PCDH9: variants seen among roughly 807,000 people sequenced by gnomAD.
The protein encoded by PCDH9 is protocadherin 9, also known as protocadherin-9.
A neutral mutation model predicts 70.6 loss-of-function variants in PCDH9; 24 were observed. The ratio of observed to expected loss-of-function variants is 0.34; its 90% CI spans 0.25 to 0.48. The LOEUF (loss-of-function observed/expected upper bound fraction) is 0.48. PCDH9 is among the 20% of genes least tolerant of loss of function. PCDH9 has a pLI of 0.99. For synonymous variants in PCDH9, 562 were observed against 558.5 expected (o/e 1.01, Z -0.09); for missense variants, 1,281 against 1,503.6 (o/e 0.85, Z 2.45).
chr13:67,217,678 C>T (rs2089638539), intron 2 of PCDH9: 1 of 151,982 alleles, frequency 6.6e-6, no homozygotes. Flanking sequence ...ATAGTAATTC[C>T]TATGAGGATG....
At chr13:66,556,637 A>G (rs1790719816) in intron 4 of PCDH9, among the ~76,000 whole-genome samples, 1 of 152,192 alleles carries the variant, frequency 6.6e-6, no homozygotes, top group South Asian at 2.1e-4. Context: ...ATGTTGTACT[A>G]GTAAATTATT....
At chr13:66,995,359 A>C (rs1220469456) in intron 2 of PCDH9, among the ~76,000 whole-genome samples, 1 of 152,286 alleles carries the variant, frequency 6.6e-6, no homozygotes, top group East Asian at 1.9e-4. Flanking sequence ...TGAGGTTTTT[A>C]AAAATGCTGA....
Position 66,888,937 on chromosome 13 carries a change from A to C in PCDH9, c.3138+14567T>G, listed in dbSNP as rs752244609. On this transcript the variant is annotated intron_variant, in intron 3 of 4. Transcript: ENST00000377865. ...CCAAAGAGCTAAAAATAAAAATGACATAAGAAGTTTTGCCATAGTGAGATT... is the reference window on the plus strand; with the variant it reads ...CCAAAGAGCTAAAAATAAAAATGACCTAAGAAGTTTTGCCATAGTGAGATT... Among the ~76,000 whole-genome samples, 3 of 152,316 alleles carry C rather than the reference A, an allele frequency of 2.0e-5. No homozygotes were observed. The East Asian group carries it at 5.8e-4, about 29-fold the overall frequency.
At chr13:66,579,182 ATT>A (rs1312157959) in intron 4 of PCDH9, among the ~76,000 whole-genome samples, 1 of 151,956 alleles carries the variant, frequency 6.6e-6, no homozygotes, top group Non-Finnish European at 1.5e-5. Context: ...TAAATAAGAA[ATT>A]CTTTCTCCTA....
In PCDH9 at chr13:67,129,654, G is replaced by C. The variant is rs79047748; in HGVS notation, c.3036+95751C>G. 1.4e-3 allele frequency among the ~76,000 whole-genome samples: 207 copies of C among 151,752 alleles called. 5 individuals are homozygous for C. In the East Asian group the frequency reaches 0.038, roughly 28 times the overall value. On this transcript the variant is annotated intron_variant, in intron 2 of 4. Coordinates refer to ENST00000377865, the MANE Select transcript of PCDH9 (RefSeq NM_203487.3). Reference sequence around the variant, plus strand: ...ATATATATATGTATTTTAGCTAGAGGTAATCGTATATTCCATATATAGAGA... The same window carrying C: ...ATATATATATGTATTTTAGCTAGAGCTAATCGTATATTCCATATATAGAGA...
At chr13:66,586,277 T>A (rs75194457) in intron 4 of PCDH9, among the ~76,000 whole-genome samples, 3,424 of 152,252 alleles carry the variant, frequency 0.022, 128 homozygotes, top group African/African-American at 0.077. Context: ...ATATAATAGA[T>A]GCACACATAG....
At chr13:66,981,453 G>GA (rs1393172745) in intron 2 of PCDH9, among the ~76,000 whole-genome samples, 10 of 138,174 alleles carry the variant, frequency 7.2e-5, no homozygotes, top group Admixed American at 1.4e-4. Context: ...AAAAAAAAAA[G>GA]AAAAAAAAAG....
At chr13:66,859,342 T>C (rs2081444061) in intron 3 of PCDH9, among the ~76,000 whole-genome samples, 1 of 152,216 alleles carries the variant, frequency 6.6e-6, no homozygotes, top group Non-Finnish European at 1.5e-5. Context: ...TTCCTCATTT[T>C]AATTTCTATT....
chr13:66,998,202 C>T (rs541598940), intron 2 of PCDH9, among the ~76,000 whole-genome samples: 57 of 151,996 alleles, frequency 3.8e-4, no homozygotes, highest in African/African-American at 1.4e-3. Context: ...TGCCAGGGCC[C>T]GAGGAACAAA....
chr13:66,819,834 T>G (rs1187387849), intron 3 of PCDH9, among the ~76,000 whole-genome samples: 1 of 152,158 alleles, frequency 6.6e-6, no homozygotes, highest in Non-Finnish European at 1.5e-5. Flanking sequence ...AAGCCCATGC[T>G]ACAGTGAGCA....
At chr13:66,676,443 G>A (rs1051899394) in intron 3 of PCDH9, among the ~76,000 whole-genome samples, 1 of 151,996 alleles carries the variant, frequency 6.6e-6, no homozygotes, top group Non-Finnish European at 1.5e-5. Context: ...ACACTGCAAA[G>A]ATATGAGGAA....
chr13:66,968,187 A>G (rs1384390140), intron 2 of PCDH9, among the ~76,000 whole-genome samples: 1 of 152,096 alleles, frequency 6.6e-6, no homozygotes, highest in East Asian at 1.9e-4. Flanking sequence ...GCAGGTGACT[A>G]TAACACTTTC....
intron 2 of PCDH9, 88 bp downstream of exon 2, chr13:67,225,317 C>A (rs1409520860): frequency 7.0e-7 from 1 of 1,429,194 alleles, no homozygotes; most frequent in Non-Finnish European, 9.7e-7. Context: ...TAAAGTTAGA[C>A]CAAAACAATA....
intron 3 of PCDH9, among the ~76,000 whole-genome samples, chr13:66,653,973 T>TAAAAAAAAAAAAAAA (rs59143528): frequency 7.8e-6 from 1 of 128,456 alleles, no homozygotes; most frequent in African/African-American, 2.9e-5. Context: ...GTCTCAAAAT[T>TAAAAAAAAAAAAAAA]AAAAAAAAAA....
intron 3 of PCDH9, among the ~76,000 whole-genome samples, chr13:66,811,452 C>T (rs1240505448): frequency 6.6e-6 from 1 of 152,198 alleles, no homozygotes; most frequent in Non-Finnish European, 1.5e-5. Flanking sequence ...TACTCCCATT[C>T]AGCTTCCATA....
At position 66,631,394 on chromosome 13, in the gene PCDH9, C is replaced by T. The variant is rs755993231; in HGVS notation, c.3156G>A (p.Thr1052=). 4.4e-5 allele frequency: 70 copies of T among 1,607,770 alleles called. No individual in the cohort carries two copies. Among genetic ancestry groups the T allele is most frequent in the African/African-American group, 5.3e-5 (4 of 74,784 alleles). ...ESHYESQRRV[T]FHLPDGSQES... ...CCTGGGAGCCATCAGGGAGATGAAA[C>T]GTAACACGGCGCTGCGACTACAAAG... Residue 1052 remains threonine, a synonymous_variant, in exon 4 of 5, where the codon ACG becomes ACA. Transcript: ENST00000377865.
intron 3 of PCDH9, among the ~76,000 whole-genome samples, chr13:66,657,198 G>C (rs1234876030): frequency 6.6e-6 from 1 of 152,184 alleles, no homozygotes; most frequent in Non-Finnish European, 1.5e-5. Context: ...TTCCAGAAAA[G>C]TTATGGAAGT....
intron 2 of PCDH9, among the ~76,000 whole-genome samples, chr13:67,149,674 A>G (rs903599193): frequency 1.3e-5 from 2 of 152,166 alleles, no homozygotes; most frequent in Admixed American, 1.3e-4. Flanking sequence ...TTCAACTTCC[A>G]TGAAGAAAAA....
chr13:66,736,898 G>A (rs929142166), intron 3 of PCDH9, among the ~76,000 whole-genome samples: 4 of 152,098 alleles, frequency 2.6e-5, no homozygotes, highest in African/African-American at 7.2e-5. Context: ...TCTTTCCCCC[G>A]ATTCAACCCT....
Sources: gnomAD v4.1 joint callset for allele counts (sites outside exome capture counted in the v4.1 genomes callset) on GRCh38, gnomAD v4.1.1 for gene constraint, MANE v1.5 for transcripts, NCBI Gene and HGNC (gene_info 2026-07-23, HGNC 2026-07-21) for gene names.